The following TMEM273 variants were observed in gnomAD, a reference collection of about 807,000 sequenced individuals.
TMEM273 encodes the protein transmembrane protein 273, also known as chromosome 10 open reading frame 128.
In TMEM273, 19 loss-of-function variants were observed where a neutral mutation model predicts 17.9. The ratio of observed to expected loss-of-function variants is 1.06; its 90% CI spans 0.74 to 1.55. The LOEUF (loss-of-function observed/expected upper bound fraction) is 1.55, where lower values mean the gene tolerates loss of function less well. Ranked by LOEUF, TMEM273 falls within the 40% of genes most tolerant of loss-of-function variation. The probability of loss-of-function intolerance (pLI) is 0.00; values close to 1 mark genes in which losing one functional copy is unlikely to be tolerated. For missense variants in TMEM273, 194 were observed against 155.6 expected, an observed-to-expected ratio of 1.25 and a Z score of -1.31; for synonymous variants, 66 against 62.0, an observed-to-expected ratio of 1.07 and a Z score of -0.31.
chr10:49,179,090 G>A (rs777485008), intron 1 of TMEM273, among the ~76,000 whole-genome samples: 10 of 152,166 alleles, frequency 6.6e-5, no homozygotes, highest in Non-Finnish European at 1.2e-4. Flanking sequence ...GACAAGCAGG[G>A]GAGAGTGAGC....
chr10:49,184,249 C>T (rs535319285), intron 1 of TMEM273, among the ~76,000 whole-genome samples: 2 of 151,850 alleles, frequency 1.3e-5, no homozygotes, highest in East Asian at 3.9e-4. Context: ...GTAAAAATAA[C>T]TTTTTAAAAT....
chr10:49,166,104 G>A (rs528065948), intron 3 of TMEM273, among the ~76,000 whole-genome samples: 27 of 152,112 alleles, frequency 1.8e-4, no homozygotes, highest in Non-Finnish European at 3.1e-4. Flanking sequence ...TTATCTTCAC[G>A]GATCATAATC....
intron 1 of TMEM273, among the ~76,000 whole-genome samples, chr10:49,177,745 C>T (rs1260588139): frequency 6.6e-6 from 1 of 152,226 alleles, no homozygotes; most frequent in Non-Finnish European, 1.5e-5. Flanking sequence ...TTCTTTAGGA[C>T]TCTAGGGTTA....
intron 4 of TMEM273, 107 bp from the exon 5 acceptor site, chr10:49,165,390 C>T: frequency 6.5e-7 from 1 of 1,529,144 alleles, no homozygotes; most frequent in Non-Finnish European, 8.8e-7. Flanking sequence ...TACCTTGATG[C>T]CAGCAGGGAA....
intron 1 of TMEM273, among the ~76,000 whole-genome samples, chr10:49,173,028 G>A (rs955119616): frequency 2.6e-5 from 4 of 152,206 alleles, no homozygotes; most frequent in African/African-American, 7.2e-5. Context: ...AGAGCCTCAG[G>A]GGAAACTGAG....
At chr10:49,177,258 T>C (rs189383623) in intron 1 of TMEM273, among the ~76,000 whole-genome samples, 31 of 152,340 alleles carry the variant, frequency 2.0e-4, no homozygotes, top group African/African-American at 5.3e-4. Flanking sequence ...TGCAGTTATC[T>C]GGGAATCTGG....
intron 6 of TMEM273, chr10:49,156,187 G>A (rs559844625): frequency 8.2e-5 from 122 of 1,481,372 alleles, no homozygotes; most frequent in East Asian, 4.1e-4. Flanking sequence ...GTCATTCCTC[G>A]AGGTTAATAG....
Position 49,155,942 on chromosome 10 carries a change from T to C in TMEM273, c.373-33A>G, listed in dbSNP as rs368506386. The C allele has an allele frequency of 7.4e-5, 119 of 1,613,990 alleles. 1 individual carries two copies. The highest frequency in any genetic ancestry group is 9.3e-5 in the Non-Finnish European group (110 of 1,179,990). On this transcript the variant is annotated intron_variant, in intron 6 of 6. Transcript: ENST00000374153. ...GGAAGAGAACCATCTGGAAGACTTA[T>C]TGAGAGAGCAACTATACTCTAATGA...
Position 49,178,147 on chromosome 10 carries a change from C to A in TMEM273, c.43+10147G>T, listed in dbSNP as rs541694056. ...TACAGAATAAGGCCCAATGTCCTCC[C>A]AGGGCTCATCAAGCCCTCCTCTTTT... is the stretch of plus-strand genomic sequence containing the variant. On this transcript the variant is annotated intron_variant, in intron 1 of 6. Transcript: ENST00000374153. 1.5e-4 allele frequency: 67 copies of A among 457,150 alleles called. 1 individual carries two copies. The highest frequency in any genetic ancestry group is 1.0e-3 in the South Asian group (66 of 64,534). The allele number at this position is 457,150 out of a possible 1,614,324, so 28.3% of individuals were successfully genotyped here. A position where few individuals can be genotyped will look rare whatever the true frequency, so the allele number is the denominator to read the frequency against.
intron 1 of TMEM273, chr10:49,178,512 A>G (rs1271318821): frequency 2.5e-5 from 8 of 325,818 alleles, no homozygotes; most frequent in Non-Finnish European, 4.3e-5. Context: ...GAGGCTGGAC[A>G]GTAACCTGAT....
intron 6 of TMEM273, chr10:49,156,197 G>A (rs1263834383): frequency 2.1e-6 from 3 of 1,450,804 alleles, no homozygotes; most frequent in African/African-American, 1.4e-5. Flanking sequence ...GAGGTTAATA[G>A]GCATATTTTG....
chr10:49,159,310 C>T (rs1845698456), intron 6 of TMEM273, among the ~76,000 whole-genome samples: 1 of 152,132 alleles, frequency 6.6e-6, no homozygotes, highest in Non-Finnish European at 1.5e-5. Context: ...TTCATTTGAA[C>T]ACAATACTCT....
At chr10:49,163,835 CA>C (rs1277955613) in intron 5 of TMEM273, among the ~76,000 whole-genome samples, 1 of 152,146 alleles carries the variant, frequency 6.6e-6, no homozygotes, top group African/African-American at 2.4e-5. Context: ...GAGAAATCCT[CA>C]AAAAAAGTGA....
At chr10:49,181,924 T>C (rs1847367323) in intron 1 of TMEM273, among the ~76,000 whole-genome samples, 1 of 152,212 alleles carries the variant, frequency 6.6e-6, no homozygotes, top group South Asian at 2.1e-4. Context: ...AGAAAATATT[T>C]GCACTCCACA....
rs76725731 is a variant in TMEM273, at chr10:49,165,057, C to T, written c.348+148G>A. ...CAGAAGTGAAAAGGAAGACCCTACC[C>T]GCCCGGAGCTTACATTTTAGAAAAA... On this transcript the variant is annotated intron_variant, in intron 5 of 6. Coordinates refer to ENST00000374153, the MANE Select transcript of TMEM273 (RefSeq NM_001288740.3). The T allele has an allele frequency of 0.01, 11,753 of 1,154,886 alleles. 515 individuals are homozygous for T. The African/African-American group carries it at 0.11, about 11-fold the overall frequency. The allele number at this position is 1,154,886 out of a possible 1,614,324, so 71.5% of individuals were successfully genotyped here.
Position 49,165,189 on chromosome 10 carries a change from C to A in TMEM273, c.348+16G>T. Reference sequence around the variant, plus strand: ...AAGAGAAGAGAATGGTGGCTGGAGTCGAGAGGGGATTGTACCTTAAATAGG... The same window carrying A: ...AAGAGAAGAGAATGGTGGCTGGAGTAGAGAGGGGATTGTACCTTAAATAGG... On this transcript the variant is annotated intron_variant, in intron 5 of 6. Coordinates refer to ENST00000374153, the MANE Select transcript of TMEM273 (RefSeq NM_001288740.3). 1.9e-6 allele frequency: 3 copies of A among 1,539,710 alleles called. No homozygotes were observed. Among genetic ancestry groups the A allele is most frequent in the Middle Eastern group, 1.7e-4 (1 of 5,946 alleles).
At chr10:49,185,368 C>T (rs1847598434) in intron 1 of TMEM273, among the ~76,000 whole-genome samples, 1 of 152,126 alleles carries the variant, frequency 6.6e-6, no homozygotes, top group Non-Finnish European at 1.5e-5. Context: ...CTGGATGCCA[C>T]AGAGGGACTG....
chr10:49,181,794 A>C (rs992725786), intron 1 of TMEM273, among the ~76,000 whole-genome samples: 4 of 152,172 alleles, frequency 2.6e-5, no homozygotes, highest in African/African-American at 9.6e-5. Flanking sequence ...CAAACTTCTG[A>C]GACATGCTAT....
At chr10:49,167,485 T>C (rs1846270771) in intron 2 of TMEM273, among the ~76,000 whole-genome samples, 1 of 151,884 alleles carries the variant, frequency 6.6e-6, no homozygotes, top group Admixed American at 6.6e-5. Context: ...TGGCCTAGAG[T>C]CATGGGCGTC....
Sources: allele counts gnomAD v4.1 joint callset (sites outside exome capture counted in the v4.1 genomes callset), GRCh38; gene constraint gnomAD v4.1.1; transcripts MANE v1.5; gene names NCBI Gene and HGNC (gene_info 2026-07-23, HGNC 2026-07-21).